Variants in CCAR1 observed in about 807,000 individuals in gnomAD.
The protein encoded by CCAR1 is cell division cycle and apoptosis regulator protein 1.
Under a neutral mutation model 163.8 loss-of-function variants are expected in CCAR1, and 78 were observed. The observed-to-expected ratio is 0.48, with a 90% CI of 0.40 to 0.57. The LOEUF is 0.57. CCAR1 is among the 20% of genes least tolerant of loss of function. The pLI, the probability that CCAR1 is intolerant of heterozygous loss-of-function variation, is 0.00. For missense variants in CCAR1, 1,019 were observed against 1,365.2 expected (o/e 0.75, Z 4.00); for synonymous variants, 443 against 460.7 (o/e 0.96, Z 0.49).
At chr10:68,771,912 G>C (rs754096000) in intron 18 of CCAR1, among the ~76,000 whole-genome samples, 12 of 151,848 alleles carry the variant, frequency 7.9e-5, no homozygotes, top group Middle Eastern at 3.4e-3. Flanking sequence ...TGTTGACCAG[G>C]CTTGCTGAAG....
chr10:68,781,698 A>C (rs2056737972), intron 19 of CCAR1, among the ~76,000 whole-genome samples: 1 of 152,050 alleles, frequency 6.6e-6, no homozygotes, highest in Non-Finnish European at 1.5e-5. Context: ...CTACAAAAAA[A>C]AATAAAATTG....
chr10:68,790,824 G>A (rs921873520), intron 24 of CCAR1, among the ~76,000 whole-genome samples: 11 of 141,184 alleles, frequency 7.8e-5, no homozygotes, highest in South Asian at 2.6e-4. Context: ...GTAAAACCCC[G>A]TCTCTACTAA....
rs150704584 is a variant in CCAR1, at chr10:68,764,620, T to G, written c.2107-1268T>G. On this transcript the variant is annotated intron_variant, in intron 16 of 24. Transcript: ENST00000265872. The stretch of plus-strand genomic sequence containing the variant: ...CTTTTCCATCTTCCATCCAGTCTCT[T>G]TTTGGATTGGCTTTTAGCAGGCCTG... Among the ~76,000 whole-genome samples the G allele has an allele frequency of 2.7e-3, 411 of 152,196 alleles. 3 individuals are homozygous for G. Among genetic ancestry groups the G allele is most frequent in the African/African-American group, 9.5e-3 (395 of 41,542 alleles).
At chr10:68,749,345 C>T in intron 9 of CCAR1, 80 bp downstream of exon 9, 1 of 1,368,340 alleles carries the variant, frequency 7.3e-7, no homozygotes, top group Admixed American at 2.7e-5. Context: ...CTGAACTATG[C>T]TTATAATATA....
intron 6 of CCAR1, among the ~76,000 whole-genome samples, chr10:68,746,825 G>C (rs1398950655): frequency 6.6e-6 from 1 of 151,932 alleles, no homozygotes; most frequent in Non-Finnish European, 1.5e-5. Flanking sequence ...TGATTCGCCT[G>C]TCTCGGCCTC....
intron 24 of CCAR1, 82 bp from the exon 25 acceptor site, chr10:68,791,125 G>GAAT: frequency 4.1e-6 from 3 of 725,440 alleles, no homozygotes; most frequent in Non-Finnish European, 6.6e-6. Flanking sequence ...ATACCAAACT[G>GAAT]AATACCATTG....
At chr10:68,761,898 G>A (rs903627377) in intron 16 of CCAR1, among the ~76,000 whole-genome samples, 42 of 152,176 alleles carry the variant, frequency 2.8e-4, no homozygotes, top group African/African-American at 7.7e-4. Context: ...CACTGTGCCC[G>A]GCCATGCATA....
chr10:68,776,620 C>T (rs1440212297), intron 19 of CCAR1, among the ~76,000 whole-genome samples: 2 of 152,196 alleles, frequency 1.3e-5, no homozygotes, highest in Non-Finnish European at 2.9e-5. Flanking sequence ...GTGGTATGGT[C>T]ATAGCTCACT....
Position 68,761,040 on chromosome 10 carries a change from G to A in CCAR1, c.1954G>A (p.Ala652Thr), listed in dbSNP as rs1291946483. 1.9e-6 allele frequency: 3 copies of A among 1,561,204 alleles called. No homozygotes were observed. The highest frequency in any genetic ancestry group is 2.6e-6 in the Non-Finnish European group (3 of 1,154,486). The change falls in exon 16 of 25, where the codon GCT becomes ACT. Residue 652 changes from alanine (A) to threonine (T), a missense_variant. Coordinates refer to ENST00000265872, the MANE Select transcript of CCAR1 (RefSeq NM_018237.4). ...NDLRKELESR[A>T]LSSKGLKSQL... ...CCTCCGAAAAGAATTAGAAAGTCGA[G>A]CTCTTAGTTCCAAAGGATTAAAATC... is the stretch of plus-strand genomic sequence containing the variant.
intron 6 of CCAR1, among the ~76,000 whole-genome samples, chr10:68,744,617 TC>T (rs940584471): frequency 6.6e-6 from 1 of 152,244 alleles, no homozygotes; most frequent in Admixed American, 6.5e-5. Context: ...ACAACATTTT[TC>T]TGTAAAAGAG....
intron 10 of CCAR1, 99 bp downstream of exon 10, chr10:68,749,784 G>T (rs566075714): frequency 7.9e-6 from 8 of 1,015,302 alleles, no homozygotes; most frequent in Non-Finnish European, 1.0e-5. Context: ...TTGATTTCCC[G>T]ACAGTTAGTG....
At position 68,765,885 on chromosome 10, in the gene CCAR1, T is replaced by G. The variant is rs780488607; in HGVS notation, c.2107-3T>G. ...ACCTTGACTTGAAATTTGAAATATT[T>G]AGGAAGAAGAAAGGAAACGTCAAGA... On this transcript the variant is annotated splice_polypyrimidine_tract_variant and splice_region_variant and intron_variant, in intron 16 of 24. Transcript: ENST00000265872. The G allele has an allele frequency of 6.2e-7, 1 of 1,608,584 alleles. No individual in the cohort carries two copies. Among genetic ancestry groups the G allele is most frequent in the South Asian group, 1.1e-5 (1 of 90,384 alleles).
At chr10:68,767,329 A>T (rs1426993238) in intron 17 of CCAR1, among the ~76,000 whole-genome samples, 2 of 152,108 alleles carry the variant, frequency 1.3e-5, no homozygotes, top group Non-Finnish European at 2.9e-5. Context: ...ATACGATGGC[A>T]CAATCTGAGC....
At position 68,749,213 on chromosome 10, in the gene CCAR1, T is replaced by G. The variant is rs1006882192; in HGVS notation, c.904T>G (p.Ser302Ala). The G allele has an allele frequency of 6.2e-7, 1 of 1,613,436 alleles. No homozygotes were observed. The highest frequency in any genetic ancestry group is 8.5e-7 in the Non-Finnish European group (1 of 1,179,864). The change falls in exon 9 of 25, where the codon TCA (serine) becomes GCA (alanine). Residue 302 changes from serine (S) to alanine (A), a missense_variant. Around this residue, in one of 4 missense-constraint regions of CCAR1, gnomAD observed 644 missense variants for 904.4 expected, o/e 0.71. Transcript: ENST00000265872. ...ARRLDPPSRFSGRNDRGDQVP... is the reference protein window; with the variant it reads ...ARRLDPPSRFAGRNDRGDQVP... ...ACGATTAGATCCCCCATCCCGATTT[T>G]CAGGAAGAAATGACAGAGGGGATCA... is the stretch of plus-strand genomic sequence containing the variant.
chr10:68,724,326 C>T (rs745366387), intron 2 of CCAR1, among the ~76,000 whole-genome samples: 4 of 151,996 alleles, frequency 2.6e-5, no homozygotes, highest in Middle Eastern at 3.4e-3. Context: ...GTTAGCTTGG[C>T]GTGTTTGTGC....
chr10:68,761,124 A>C lies in CCAR1; in HGVS notation c.2038A>C (p.Lys680Gln). The C allele has an allele frequency of 6.2e-7, 1 of 1,611,422 alleles. No individual in the cohort carries two copies. Among genetic ancestry groups the C allele is most frequent in the Non-Finnish European group, 8.5e-7 (1 of 1,178,956 alleles). The change falls in exon 16 of 25, where the codon AAG becomes CAG. Residue 680 changes from lysine (K) to glutamine (Q), a missense_variant. Coordinates refer to ENST00000265872, the MANE Select transcript of CCAR1 (RefSeq NM_018237.4). ...AGTAGAGGAACAAAAAGAAGAACAG[A>C]AGGAGTTAGAGAAATCTGAAAAAGA... ...LKVEEQKEEQ[K>Q]ELEKSEKEED...
chr10:68,787,575 C>G (rs1004152698), intron 21 of CCAR1, among the ~76,000 whole-genome samples: 1 of 152,072 alleles, frequency 6.6e-6, no homozygotes, highest in African/African-American at 2.4e-5. Context: ...GTGGCTCACA[C>G]CTGTAATCCC....
At chr10:68,765,754 A>G (rs1393767494) in intron 16 of CCAR1, 134 bp from the exon 17 acceptor site, 11 of 622,476 alleles carry the variant, frequency 1.8e-5, no homozygotes, top group Middle Eastern at 3.9e-4. Context: ...TATGGTTTGT[A>G]TAAGTACCAT....
chr10:68,770,758 A>G (rs2056591566), intron 17 of CCAR1, among the ~76,000 whole-genome samples: 2 of 151,978 alleles, frequency 1.3e-5, no homozygotes, highest in South Asian at 4.2e-4. Flanking sequence ...AAATAAAAAT[A>G]AAAAAGATTA....
Sources: allele counts gnomAD v4.1 joint callset (sites outside exome capture counted in the v4.1 genomes callset), GRCh38; gene constraint gnomAD v4.1.1; regional missense constraint gnomAD v4.1.1; transcripts MANE v1.5; gene names NCBI Gene and HGNC (gene_info 2026-07-23, HGNC 2026-07-21).